GINS2: variants seen among roughly 807,000 people sequenced by gnomAD.
GINS2 encodes the protein GINS complex subunit 2, also known as DNA replication complex GINS protein PSF2.
GINS2 carries 23 observed loss-of-function variants against 21.2 expected under a neutral mutation model. The ratio of observed to expected loss-of-function variants is 1.08; its 90% CI spans 0.78 to 1.53. GINS2 has a LOEUF of 1.53. GINS2 is among the 40% of genes most tolerant of loss of function. The probability of loss-of-function intolerance (pLI) is 0.00; values close to 1 mark genes in which losing one functional copy is unlikely to be tolerated. For missense variants in GINS2, 323 were observed against 233.9 expected, an observed-to-expected ratio of 1.38 and a Z score of -2.49; for synonymous variants, 118 against 85.6, an observed-to-expected ratio of 1.38 and a Z score of -2.09.
chr16:85,682,319 C>T (rs1046379203), intron 2 of GINS2, among the ~76,000 whole-genome samples: 1 of 152,090 alleles, frequency 6.6e-6, no homozygotes, highest in African/African-American at 2.4e-5. Flanking sequence ...CAGTATTAGA[C>T]CTTTGATGCA....
At position 85,676,749 on chromosome 16, in the gene GINS2, G is replaced by C. The variant is rs183800306; in HGVS notation, c.*1463C>G. 2 of 152,248 alleles carry C rather than the reference G, an allele frequency of 1.3e-5. No homozygotes were observed. The highest frequency in any genetic ancestry group is 2.9e-5 in the Non-Finnish European group (2 of 68,066). The allele number at this position is 152,248 out of a possible 1,614,324, so 9.4% of individuals were successfully genotyped here. ...TCATGCTTGCAATCCCAGTGCTTTG[G>C]GAGGCTGTGGTGGGAGAACTGTGTG... On this transcript the variant is annotated 3_prime_UTR_variant, in exon 5 of 5. Transcript: ENST00000253462.
At chr16:85,688,775 G>A (rs1216081176) in intron 1 of GINS2, 34 bp downstream of exon 1, 6 of 1,382,026 alleles carry the variant, frequency 4.3e-6, no homozygotes, top group East Asian at 2.9e-5. Context: ...CGCCCAGCCC[G>A]GCCTCCCCTC....
intron 2 of GINS2, among the ~76,000 whole-genome samples, chr16:85,685,173 T>C (rs2053764270): frequency 6.6e-6 from 1 of 152,172 alleles, no homozygotes; most frequent in Non-Finnish European, 1.5e-5. Context: ...TAATGGTGCC[T>C]CACTGTTCCC....
intron 2 of GINS2, 35 bp from the exon 3 acceptor site, chr16:85,681,716 T>A: frequency 7.8e-7 from 1 of 1,279,094 alleles, no homozygotes; most frequent in Non-Finnish European, 1.1e-6. Flanking sequence ...TTACCATCAT[T>A]ATAACCAAGA....
At chr16:85,687,403 G>T in intron 2 of GINS2, 57 bp downstream of exon 2, 1 of 994,984 alleles carries the variant, frequency 1.0e-6, no homozygotes, top group Non-Finnish European at 1.5e-6. Context: ...GTGGGAGAGG[G>T]CGTCACCCCA....
rs374607714 is a variant in GINS2 at position 85,687,808 on chromosome 16, C to G, written c.91-234G>C. On this transcript the variant is annotated intron_variant, in intron 1 of 4. Transcript: ENST00000253462. ...CTTTCCGCGGACAGGATGCAAGTCT[C>G]CCCTGAGTGGGTGGGGGGCGCTCCC... 1.0e-5 allele frequency: 4 copies of G among 393,686 alleles called. 1 individual carries two copies. In the East Asian group the frequency reaches 1.3e-4, roughly 13 times the overall value. 24.4% of individuals were successfully genotyped at this position (393,686 alleles called of 1,614,324 possible).
At position 85,681,630 on chromosome 16, in the gene GINS2, G is replaced by A; in HGVS notation, c.257C>T (p.Pro86Leu). Residue 86 changes from proline to leucine, a missense_variant, in exon 3 of 5, where the codon CCA becomes CTA. Pro to Leu is a moderately conservative substitution (Grantham distance 98). Transcript: ENST00000253462. ...DHERKEETFT[P>L]MPSPYYMELT... is the part of the protein sequence containing the mutation. ...TTCCATGTAGTAAGGGCTGGGCATT[G>A]GGGTAAAAGTTTCTTCCTTTCGTTC... 2 of 1,612,786 alleles carry A rather than the reference G, an allele frequency of 1.2e-6. No individual in the cohort carries two copies. Among genetic ancestry groups the A allele is most frequent in the Non-Finnish European group, 1.7e-6 (2 of 1,178,912 alleles).
intron 2 of GINS2, among the ~76,000 whole-genome samples, chr16:85,684,995 G>A (rs1336857975): frequency 6.6e-6 from 1 of 151,986 alleles, no homozygotes; most frequent in Non-Finnish European, 1.5e-5. Context: ...CACCATGTTG[G>A]CCAGGCTGGT....
intron 1 of GINS2, 43 bp downstream of exon 1, chr16:85,688,766 G>A: frequency 7.7e-6 from 10 of 1,293,222 alleles, no homozygotes; most frequent in Non-Finnish European, 9.5e-6. Context: ...CCCCGGACGC[G>A]CCCAGCCCGG....
chr16:85,685,960 T>G (rs1427695442), intron 2 of GINS2, among the ~76,000 whole-genome samples: 1 of 151,848 alleles, frequency 6.6e-6, no homozygotes, highest in Non-Finnish European at 1.5e-5. Context: ...TTTCAAATTC[T>G]ATATGTATGA....
chr16:85,688,630 C>T (rs1314945179), intron 1 of GINS2, among the ~76,000 whole-genome samples, 179 bp downstream of exon 1: 1 of 152,226 alleles, frequency 6.6e-6, no homozygotes, highest in Non-Finnish European at 1.5e-5. Context: ...TGGCAAAGAG[C>T]GCAGTCTCGC....
At position 85,677,992 on chromosome 16, in the gene GINS2, G is replaced by A. The variant is rs1471695813; in HGVS notation, c.*220C>T. 3 of 481,886 alleles carry A rather than the reference G, an allele frequency of 6.2e-6. No individual in the cohort carries two copies. Among genetic ancestry groups the A allele is most frequent in the Non-Finnish European group, 7.3e-6 (2 of 272,372 alleles). 29.9% of individuals were successfully genotyped at this position (481,886 alleles called of 1,614,324 possible). A position where few individuals can be genotyped will look rare whatever the true frequency, so the allele number is the denominator to read the frequency against. ...CTCAAAAGTGGGGGGAAAAAGGGCTGGTTTCTAGAAACAGATGTGGAATTG... is the reference window on the plus strand; with the variant it reads ...CTCAAAAGTGGGGGGAAAAAGGGCTAGTTTCTAGAAACAGATGTGGAATTG... On this transcript the variant is annotated 3_prime_UTR_variant, in exon 5 of 5. Transcript: ENST00000253462.
chr16:85,685,685 A>AAAAAAAAAAAAAAAAAAAAAAAAG (rs56405044), intron 2 of GINS2, among the ~76,000 whole-genome samples: 1 of 120,900 alleles, frequency 8.3e-6, no homozygotes. Context: ...AAAAAAAAAA[A>AAAAAAAAAAAAAAAAAAAAAAAAG]AAAAAACCGT....
Position 85,678,717 on chromosome 16 carries a change from C to CTA in GINS2, c.306-52_306-51insTA, listed in dbSNP as rs754856479. The CTA allele has an allele frequency of 2.5e-6, 4 of 1,584,974 alleles. No individual in the cohort carries two copies. In the Admixed American group the frequency reaches 5.1e-5, roughly 20 times the overall value. Reference sequence around the variant, plus strand: ...TCGGGGAACACTTGATAACCTGAGGCAATGCTGGATAGAGTGGCTCTTTTC... The same window carrying CTA: ...TCGGGGAACACTTGATAACCTGAGGCTAAATGCTGGATAGAGTGGCTCTTTTC... On this transcript the variant is annotated intron_variant, in intron 3 of 4. Transcript: ENST00000253462.
At position 85,677,974 on chromosome 16, in the gene GINS2, GT is replaced by G. The variant is rs1446372767; in HGVS notation, c.*237del. 3 of 458,318 alleles carry G rather than the reference GT, an allele frequency of 6.5e-6. No homozygotes were observed. Among genetic ancestry groups the G allele is most frequent in the Admixed American group, 7.7e-5 (2 of 25,890 alleles). The allele number at this position is 458,318 out of a possible 1,614,324, so 28.4% of individuals were successfully genotyped here. Reference sequence around the variant, plus strand: ...CCTAAGGCTTTTTTATTTCTCAAAAGTGGGGGGAAAAAGGGCTGGTTTCTAG... The same window carrying G: ...CCTAAGGCTTTTTTATTTCTCAAAAGGGGGGGAAAAAGGGCTGGTTTCTAG... On this transcript the variant is annotated 3_prime_UTR_variant, in exon 5 of 5. Transcript: ENST00000253462.
At position 85,685,685 on chromosome 16, in the gene GINS2, A is replaced by AAAAAAAAAAAAAAAAAAAAAAAC. The variant is rs56405044; in HGVS notation, c.205+1774_205+1775insGTTTTTTTTTTTTTTTTTTTTTT. On this transcript the variant is annotated intron_variant, in intron 2 of 4. Coordinates refer to ENST00000253462, the MANE Select transcript of GINS2 (RefSeq NM_016095.3). ...GACCCTTTCTCAAAAAAAAAAAAAAAAAAAAACCGTCTCAAAGCAGAGGAA... is the reference window on the plus strand; with the variant it reads ...GACCCTTTCTCAAAAAAAAAAAAAAAAAAAAAAAAAAAAAAAAAAAAACAAAAAACCGTCTCAAAGCAGAGGAA... Among the ~76,000 whole-genome samples, 479 of 120,890 alleles carry AAAAAAAAAAAAAAAAAAAAAAAC rather than the reference A, an allele frequency of 4.0e-3. 43 individuals carry two copies. The highest frequency in any genetic ancestry group is 6.8e-3 in the Non-Finnish European group (352 of 51,808). 79.3% of individuals were successfully genotyped at this position (120,890 alleles called of 152,430 possible). A position where few individuals can be genotyped will look rare whatever the true frequency, so the allele number is the denominator to read the frequency against.
At chr16:85,682,049 G>C (rs1180057765) in intron 2 of GINS2, among the ~76,000 whole-genome samples, 2 of 21,176 alleles carry the variant, frequency 9.4e-5, no homozygotes, top group African/African-American at 2.2e-4. Context: ...TTTTTTTTTT[G>C]AGAGGGTCTC....
chr16:85,680,871 G>A (rs1399926926), intron 3 of GINS2, among the ~76,000 whole-genome samples: 1 of 152,234 alleles, frequency 6.6e-6, no homozygotes, highest in African/African-American at 2.4e-5. Flanking sequence ...GTGAAAGAGG[G>A]AGGAGGAGCA....
chr16:85,687,592 A>G lies in GINS2; in HGVS notation c.91-18T>C, dbSNP rs2053788742. The stretch of plus-strand genomic sequence containing the variant: ...AGGTCCCCCTGCCAAAAGTAAAACA[A>G]TTCCCCGTAAGATTGAAAAAGAACA... On this transcript the variant is annotated intron_variant, in intron 1 of 4. Coordinates refer to ENST00000253462, the MANE Select transcript of GINS2 (RefSeq NM_016095.3). The G allele has an allele frequency of 7.1e-7, 1 of 1,411,404 alleles. No individual in the cohort carries two copies. Among genetic ancestry groups the G allele is most frequent in the Non-Finnish European group, 9.7e-7 (1 of 1,033,824 alleles). 87.4% of individuals were successfully genotyped at this position (1,411,404 alleles called of 1,614,324 possible).
Sources: gnomAD v4.1 joint callset for allele counts (sites outside exome capture counted in the v4.1 genomes callset) on GRCh38, gnomAD v4.1.1 for gene constraint, MANE v1.5 for transcripts, NCBI Gene and HGNC (gene_info 2026-07-23, HGNC 2026-07-21) for gene names.